PPP1R11: variants seen among roughly 807,000 people sequenced by gnomAD.
The protein encoded by PPP1R11 is protein phosphatase 1 regulatory inhibitor subunit 11, also known as E3 ubiquitin-protein ligase PPP1R11.
Under a neutral mutation model 11.3 loss-of-function variants are expected in PPP1R11, and 10 were observed. That is an observed-to-expected ratio of 0.88 (90% confidence interval 0.55 to 1.50). PPP1R11 has a LOEUF of 1.50. PPP1R11 is among the 40% of genes most tolerant of loss of function. The pLI is 0.00. For missense variants in PPP1R11, 114 were observed against 179.1 expected, an observed-to-expected ratio of 0.64 and a Z score of 2.07; for synonymous variants, 56 against 62.3, an observed-to-expected ratio of 0.90 and a Z score of 0.48.
intron 1 of PPP1R11, chr6:30,068,385 G>A: frequency 2.2e-6 from 1 of 451,268 alleles, no homozygotes; most frequent in African/African-American, 2.0e-5. Context: ...TATACTGGTG[G>A]TATAAGAACA....
chr6:30,067,323 A>C lies in PPP1R11; in HGVS notation c.-88A>C. 7.3e-6 allele frequency: 10 copies of C among 1,378,370 alleles called. No individual in the cohort carries two copies. Among genetic ancestry groups the C allele is most frequent in the South Asian group, 1.2e-5 (1 of 83,244 alleles). 85.4% of individuals were successfully genotyped at this position (1,378,370 alleles called of 1,614,324 possible). A position where few individuals can be genotyped will look rare whatever the true frequency, so the allele number is the denominator to read the frequency against. ...GATCCTGGCTACCACTCTGAATCCG[A>C]TACCGCTTCTCTTAGACCTCAGCGA... On this transcript the variant is annotated 5_prime_UTR_variant, in exon 1 of 3. Coordinates refer to ENST00000376772, the MANE Select transcript of PPP1R11 (RefSeq NM_021959.3).
At chr6:30,068,425 T>C in intron 1 of PPP1R11, 165 bp from the exon 2 acceptor site, 1 of 539,002 alleles carries the variant, frequency 1.9e-6, no homozygotes, top group East Asian at 3.0e-5. Context: ...CAAGGGACTA[T>C]CTGAGGTAAA....
intron 1 of PPP1R11, among the ~76,000 whole-genome samples, chr6:30,068,052 A>G (rs574384654): frequency 2.0e-5 from 3 of 152,330 alleles, no homozygotes; most frequent in African/African-American, 7.2e-5. Context: ...ATACTCTTGG[A>G]TTAAAGGAAG....
chr6:30,062,714 C>CCTTTTTTTTTTTTTTTTTTTTTTTTT (rs749507630), upstream of PPP1R11, among the ~76,000 whole-genome samples: 9 of 42,390 alleles, frequency 2.1e-4, 1 homozygote, highest in East Asian at 9.5e-4. Flanking sequence ...CCACGCCTGG[C>CCTTTTTTTTTTTTTTTTTTTTTTTTT]TTTTTTTTTT....
At position 30,069,059 on chromosome 6, in the gene PPP1R11, C is replaced by A. The variant is rs756028717; in HGVS notation, c.179-45C>A. 2 of 1,511,778 alleles carry A rather than the reference C, an allele frequency of 1.3e-6. No homozygotes were observed. The highest frequency in any genetic ancestry group is 1.8e-6 in the Non-Finnish European group (2 of 1,090,572). 93.6% of individuals were successfully genotyped at this position (1,511,778 alleles called of 1,614,324 possible). A position where few individuals can be genotyped will look rare whatever the true frequency, so the allele number is the denominator to read the frequency against. ...AGTGGGAATGGAACTGACTATATAT[C>A]TTACCCTTCCTCCTCTTTAACTGGG... On this transcript the variant is annotated intron_variant, in intron 2 of 2. Transcript: ENST00000376772. This position sits in a 1 kb window ranked among gnomAD's most constrained non-coding sequence, Gnocchi z 6.6.
At position 30,069,257 on chromosome 6, in the gene PPP1R11, C is replaced by T. The variant is rs267600940; in HGVS notation, c.332C>T (p.Pro111Leu). The change falls in exon 3 of 3, where the codon CCC becomes CTC. Residue 111 changes from proline (P) to leucine (L), a missense_variant. Transcript: ENST00000376772. This position sits in a 1 kb window ranked among gnomAD's most constrained non-coding sequence, Gnocchi z 6.6. ...CTAGGACCGACCCCCACCACCCCTCCCCAGCCTCCTGACCCTTCCCAGCCC... is the reference window on the plus strand; with the variant it reads ...CTAGGACCGACCCCCACCACCCCTCTCCAGCCTCCTGACCCTTCCCAGCCC... ...ATLGPTPTTP[P>L]QPPDPSQPPP... 6.2e-7 allele frequency: 1 copy of T among 1,612,472 alleles called. No individual in the cohort carries two copies. The highest frequency in any genetic ancestry group is 8.5e-7 in the Non-Finnish European group (1 of 1,179,662).
the PPP1R11 span, chr6:30,061,522 C>CGCAT: frequency 2.5e-6 from 4 of 1,612,988 alleles, no homozygotes; most frequent in Admixed American, 6.7e-5. This position sits in a 1 kb window ranked among gnomAD's most constrained non-coding sequence, Gnocchi z 5.0. Context: ...CAGACCCGAC[C>CGCAT]GCATGTCTGT....
At chr6:30,067,727 G>A in intron 1 of PPP1R11, 1 of 463,240 alleles carries the variant, frequency 2.2e-6, no homozygotes, top group East Asian at 3.3e-5. Flanking sequence ...GCTTGGGGTG[G>A]TTATGTGTGT....
At chr6:30,062,086 G>C, upstream of PPP1R11, 1 of 1,510,146 alleles carries the variant, frequency 6.6e-7, no homozygotes, top group Non-Finnish European at 9.2e-7. Flanking sequence ...TGATTGCAAA[G>C]CTCTGGAGAG....
At chr6:30,061,879 T>C, upstream of PPP1R11, 1 of 1,605,598 alleles carries the variant, frequency 6.2e-7, no homozygotes, top group Non-Finnish European at 8.5e-7. This position sits in a 1 kb window ranked among gnomAD's most constrained non-coding sequence, Gnocchi z 5.0. Context: ...CAGCTCTCTC[T>C]GGTTGTCTCC....
At chr6:30,068,982 G>A (rs1765733130) in intron 2 of PPP1R11, 122 bp from the exon 3 acceptor site, 1 of 1,060,434 alleles carries the variant, frequency 9.4e-7, no homozygotes, top group Non-Finnish European at 1.4e-6. Flanking sequence ...GGTGGGCCTG[G>A]GGAAGCTGGA....
chr6:30,068,281 T>G, intron 1 of PPP1R11: 1 of 232,054 alleles, frequency 4.3e-6, no homozygotes, highest in Non-Finnish European at 8.3e-6. Context: ...CTACCAAGGA[T>G]GATTTGGGGA....
chr6:30,063,151 C>T (rs9261275), upstream of PPP1R11, among the ~76,000 whole-genome samples: 22,510 of 151,800 alleles, frequency 0.15, 2,223 homozygotes, highest in African/African-American at 0.27. This position sits in a 1 kb window ranked among gnomAD's most constrained non-coding sequence, Gnocchi z 4.1. Context: ...TGAGAGTGGA[C>T]TTTTTTTTCA....
upstream of PPP1R11, chr6:30,062,333 A>ACAG: frequency 6.2e-7 from 1 of 1,602,490 alleles, no homozygotes; most frequent in Non-Finnish European, 8.5e-7. Context: ...ACCAACTGCA[A>ACAG]GTGAGTATTC....
chr6:30,061,731 A>T, upstream of PPP1R11: 1 of 1,606,638 alleles, frequency 6.2e-7, no homozygotes, highest in Non-Finnish European at 8.5e-7. The surrounding 1 kb of genome is among the most constrained non-coding windows in gnomAD (Gnocchi z 5.0). Context: ...TGGGGAACTC[A>T]AGATCGGTTG....
upstream of PPP1R11, among the ~76,000 whole-genome samples, chr6:30,064,255 A>G (rs551198506): frequency 5.6e-4 from 86 of 152,230 alleles, no homozygotes; most frequent in African/African-American, 1.9e-3. Context: ...TATATCTTTT[A>G]AAAGTATTTT....
upstream of PPP1R11, among the ~76,000 whole-genome samples, chr6:30,065,235 T>G (rs922567271): frequency 6.6e-6 from 1 of 152,200 alleles, no homozygotes; most frequent in South Asian, 2.1e-4. The surrounding 1 kb of genome is among the most constrained non-coding windows in gnomAD (Gnocchi z 5.3). Context: ...GGTGAGTATT[T>G]TATTAGTATT....
At chr6:30,068,980 T>C (rs1411337297) in intron 2 of PPP1R11, 124 bp from the exon 3 acceptor site, 2 of 1,041,892 alleles carry the variant, frequency 1.9e-6, no homozygotes, top group Admixed American at 4.5e-5. Context: ...AGGGTGGGCC[T>C]GGGGAAGCTG....
rs764025582 is a variant in PPP1R11 at position 30,069,275 on chromosome 6, C to T, written c.350C>T (p.Ser117Phe). 1 of 1,600,758 alleles carries T rather than the reference C, an allele frequency of 6.2e-7. No individual in the cohort carries two copies. Among genetic ancestry groups the T allele is most frequent in the Non-Finnish European group, 8.5e-7 (1 of 1,171,044 alleles). The change falls in exon 3 of 3, where the codon TCC becomes TTC. Residue 117 changes from serine to phenylalanine, a missense_variant. Coordinates refer to ENST00000376772, the MANE Select transcript of PPP1R11 (RefSeq NM_021959.3). The surrounding 1 kb of genome is among the most constrained non-coding windows in gnomAD (Gnocchi z 6.6). The part of the protein sequence containing the change: ...PTTPPQPPDP[S>F]QPPPGPMQH ...ACCCCTCCCCAGCCTCCTGACCCTT[C>T]CCAGCCCCCTCCAGGGCCAATGCAG...
Sources: allele counts gnomAD v4.1 joint callset (sites outside exome capture counted in the v4.1 genomes callset), GRCh38; gene constraint gnomAD v4.1.1; non-coding constraint Gnocchi (gnomAD v3.1); transcripts MANE v1.5; gene names NCBI Gene and HGNC (gene_info 2026-07-23, HGNC 2026-07-21).